LAMA2: variants seen among roughly 807,000 people sequenced by gnomAD.
The protein encoded by LAMA2 is laminin subunit alpha 2.
LAMA2 carries 269 observed loss-of-function variants against 364.8 expected under a neutral mutation model. The observed-to-expected ratio is 0.74, with a 90% CI of 0.67 to 0.82. The LOEUF (loss-of-function observed/expected upper bound fraction) is 0.82. Ranked by LOEUF, LAMA2 falls within the 40% of genes least tolerant of loss-of-function variation. The pLI is 0.00. For missense variants in LAMA2, 3,807 were observed against 3,873.2 expected, an observed-to-expected ratio of 0.98 and a Z score of 0.45; for synonymous variants, 1,379 against 1,370.6, an observed-to-expected ratio of 1.01 and a Z score of -0.14.
chr6:129,471,256 G>C (rs1562594224), intron 51 of LAMA2, among the ~76,000 whole-genome samples: 1 of 151,864 alleles, frequency 6.6e-6, no homozygotes, highest in Non-Finnish European at 1.5e-5. Context: ...AGCATTTCCT[G>C]GTAGAACCCA....
At chr6:128,886,019 T>C (rs921842986) in intron 1 of LAMA2, among the ~76,000 whole-genome samples, 6 of 152,192 alleles carry the variant, frequency 3.9e-5, no homozygotes, top group African/African-American at 1.2e-4. Context: ...TTGCAACTGA[T>C]TGAAAAATAG....
intron 3 of LAMA2, among the ~76,000 whole-genome samples, chr6:129,087,201 A>G (rs1281134495): frequency 2.0e-5 from 3 of 152,214 alleles, no homozygotes; most frequent in Non-Finnish European, 4.4e-5. Context: ...TTACTCTACC[A>G]TAACTAGCCT....
chr6:129,110,734 C>G (rs1247157157), intron 4 of LAMA2, among the ~76,000 whole-genome samples: 2 of 152,018 alleles, frequency 1.3e-5, no homozygotes, highest in Non-Finnish European at 2.9e-5. Context: ...CAGGTCCAGT[C>G]CAGATCTTCT....
chr6:128,941,142 T>C (rs1780126527), intron 1 of LAMA2, among the ~76,000 whole-genome samples: 1 of 152,154 alleles, frequency 6.6e-6, no homozygotes, highest in African/African-American at 2.4e-5. Context: ...CTTTGGTCAA[T>C]AGTTGAAAAA....
At chr6:129,065,417 C>CA (rs1361124427) in intron 3 of LAMA2, among the ~76,000 whole-genome samples, 2 of 151,116 alleles carry the variant, frequency 1.3e-5, no homozygotes, top group African/African-American at 2.4e-5. Context: ...AGAAATCAGG[C>CA]AAAAAAAGAA....
intron 4 of LAMA2, among the ~76,000 whole-genome samples, chr6:129,118,254 A>G (rs1241084272): frequency 6.6e-6 from 1 of 152,208 alleles, no homozygotes; most frequent in Non-Finnish European, 1.5e-5. Flanking sequence ...TCTAATAAAA[A>G]CTGCACTGGA....
chr6:129,260,297 T>C (rs757462150), intron 14 of LAMA2, among the ~76,000 whole-genome samples: 5 of 152,144 alleles, frequency 3.3e-5, no homozygotes, highest in Admixed American at 6.6e-5. Flanking sequence ...ATTTAAAAGC[T>C]AAGATGGAAT....
intron 1 of LAMA2, among the ~76,000 whole-genome samples, chr6:128,970,535 C>A (rs1782127489): frequency 6.6e-6 from 1 of 152,136 alleles, no homozygotes; most frequent in South Asian, 2.1e-4. Context: ...AAACGTTCAA[C>A]AGATATAAAC....
At chr6:129,081,741 A>G (rs550043070) in intron 3 of LAMA2, among the ~76,000 whole-genome samples, 1 of 152,312 alleles carries the variant, frequency 6.6e-6, no homozygotes, top group Non-Finnish European at 1.5e-5. Context: ...CACAAGGAAT[A>G]CCTGCTTGAA....
At chr6:129,313,920 C>G (rs940342339) in intron 23 of LAMA2, among the ~76,000 whole-genome samples, 1 of 152,146 alleles carries the variant, frequency 6.6e-6, no homozygotes. Flanking sequence ...ATATTTAATA[C>G]ATGTTATGTG....
At chr6:129,134,019 G>A (rs924260401) in intron 4 of LAMA2, among the ~76,000 whole-genome samples, 12 of 152,134 alleles carry the variant, frequency 7.9e-5, no homozygotes, top group Non-Finnish European at 1.3e-4. Flanking sequence ...ACTGTATTTA[G>A]ACCTCCTGCT....
intron 31 of LAMA2, 100 bp from the exon 32 acceptor site, chr6:129,353,064 T>TG: frequency 1.2e-6 from 1 of 822,066 alleles, no homozygotes; most frequent in Non-Finnish European, 1.9e-6. Context: ...TATGGACTCT[T>TG]GCTATCAGTT....
Position 129,342,318 on chromosome 6 carries a change from ACTT to A in LAMA2, c.4312-19_4312-17del, listed in dbSNP as rs398123374. ...CTAACTATCACTAAATTAAAAACAA[ACTT>A]CTTCTCCCTTTTCCTTTACAGAATT... On this transcript the variant is annotated intron_variant, in intron 29 of 64. Coordinates refer to ENST00000421865, the MANE Select transcript of LAMA2 (RefSeq NM_000426.4). 0.011 allele frequency: 17,081 copies of A among 1,607,752 alleles called. 131 individuals carry two copies. The highest frequency in any genetic ancestry group is 0.022 in the Middle Eastern group (130 of 6,040).
chr6:129,127,668 T>C (rs1348376814), intron 4 of LAMA2, among the ~76,000 whole-genome samples: 1 of 152,224 alleles, frequency 6.6e-6, no homozygotes, highest in East Asian at 1.9e-4. Context: ...TTTTTCCATA[T>C]TCTCGCCAAC....
At chr6:129,038,553 A>G (rs1582917582) in intron 1 of LAMA2, among the ~76,000 whole-genome samples, 1 of 152,320 alleles carries the variant, frequency 6.6e-6, no homozygotes, top group East Asian at 1.9e-4. Context: ...ACCTGTACAG[A>G]ATAGTCATTG....
rs573395219 is a variant in LAMA2, at chr6:129,297,253, G to A, written c.2857-432G>A. Among the ~76,000 whole-genome samples the A allele has an allele frequency of 1.2e-4, 18 of 152,158 alleles. 1 individual carries two copies. In the East Asian group the frequency reaches 3.5e-3, roughly 29 times the overall value. ...AGGATTATTTTAACTTTAGGCTGCT[G>A]GTCAATAATGTTGAAAGTATTTTTA... On this transcript the variant is annotated intron_variant, in intron 20 of 64. Coordinates refer to ENST00000421865, the MANE Select transcript of LAMA2 (RefSeq NM_000426.4).
intron 1 of LAMA2, among the ~76,000 whole-genome samples, chr6:128,943,003 T>C (rs752401682): frequency 1.3e-5 from 2 of 152,234 alleles, no homozygotes; most frequent in Non-Finnish European, 2.9e-5. Flanking sequence ...ATCAGTTCTA[T>C]GTGCTCTCAA....
intron 1 of LAMA2, among the ~76,000 whole-genome samples, chr6:128,935,068 CTTATTA>C (rs539714282): frequency 1.7e-4 from 26 of 151,882 alleles, no homozygotes; most frequent in Non-Finnish European, 1.2e-4. Flanking sequence ...GCTTTGGTTT[CTTATTA>C]TTATTATACT....
At chr6:129,420,042 A>G (rs1236434593) in intron 40 of LAMA2, among the ~76,000 whole-genome samples, 1 of 152,124 alleles carries the variant, frequency 6.6e-6, no homozygotes, top group Non-Finnish European at 1.5e-5. Context: ...AATAGGAAAT[A>G]CAGAAAAGCA....
Sources: allele counts gnomAD v4.1 joint callset (sites outside exome capture counted in the v4.1 genomes callset), GRCh38; gene constraint gnomAD v4.1.1; transcripts MANE v1.5; gene names NCBI Gene and HGNC (gene_info 2026-07-23, HGNC 2026-07-21).